The following C5 variants were observed in gnomAD, a reference collection of about 807,000 sequenced individuals.
The protein encoded by C5 is C3 and PZP-like alpha-2-macroglobulin domain-containing protein 4.
C5 carries 140 observed loss-of-function variants against 218.8 expected under a neutral mutation model. That is an observed-to-expected ratio of 0.64 (90% confidence interval 0.56 to 0.74). The LOEUF (loss-of-function observed/expected upper bound fraction) is 0.74. C5 is among the 30% of genes least tolerant of loss of function. C5 has a pLI of 0.00. For synonymous variants in C5, 614 were observed against 682.3 expected (o/e 0.90, Z 1.56); for missense variants, 1,700 against 1,969.6 (o/e 0.86, Z 2.59).
chr9:120,960,876 G>T (rs530422848), intron 37 of C5, among the ~76,000 whole-genome samples: 1 of 152,298 alleles, frequency 6.6e-6, no homozygotes, highest in East Asian at 1.9e-4. Flanking sequence ...TTTCCATTTT[G>T]AGTATAATCA....
chr9:120,964,976 G>A (rs1025363824), intron 33 of C5, among the ~76,000 whole-genome samples: 5 of 152,118 alleles, frequency 3.3e-5, no homozygotes, highest in Admixed American at 1.3e-4. Flanking sequence ...AGAGACAGAC[G>A]GAGTGTGATT....
intron 3 of C5, among the ~76,000 whole-genome samples, chr9:121,038,664 T>G (rs777584665): frequency 6.6e-6 from 1 of 152,214 alleles, no homozygotes; most frequent in Non-Finnish European, 1.5e-5. Context: ...TTCTTTCCAA[T>G]GACAAACTTA....
chr9:120,995,213 A>G (rs2047107354), intron 22 of C5, among the ~76,000 whole-genome samples: 2 of 152,236 alleles, frequency 1.3e-5, no homozygotes, highest in Admixed American at 1.3e-4. Context: ...TTGCTTTCCC[A>G]GAGGAAATGA....
chr9:121,018,252 C>CAA (rs1189613789), intron 12 of C5, among the ~76,000 whole-genome samples: 534 of 41,954 alleles, frequency 0.013, 27 homozygotes, highest in African/African-American at 0.039. Flanking sequence ...GACTCTGTCT[C>CAA]AAAAAAAAAA....
chr9:121,032,863 T>A (rs1439494152), intron 5 of C5, among the ~76,000 whole-genome samples: 1 of 151,976 alleles, frequency 6.6e-6, no homozygotes, highest in African/African-American at 2.4e-5. Flanking sequence ...TAGTCTGGTG[T>A]GGTGGTGCAT....
At chr9:120,995,200 T>A (rs1168357460) in intron 22 of C5, among the ~76,000 whole-genome samples, 1 of 152,208 alleles carries the variant, frequency 6.6e-6, no homozygotes, top group Non-Finnish European at 1.5e-5. Context: ...GGGTATTAAT[T>A]CTTTGCTTTC....
At chr9:120,957,063 G>GA in intron 39 of C5, 1 of 444,646 alleles carries the variant, frequency 2.2e-6, no homozygotes, top group Non-Finnish European at 4.2e-6. Flanking sequence ...TTACGCAATT[G>GA]AAAAAAACAT....
chr9:121,035,489 C>A (rs2047516457), intron 4 of C5, among the ~76,000 whole-genome samples: 9 of 152,170 alleles, frequency 5.9e-5, no homozygotes, highest in Admixed American at 5.2e-4. Flanking sequence ...TTTTGACTTT[C>A]TTTGGACTAC....
At chr9:121,016,430 T>C (rs776253286) in intron 14 of C5, 47 bp from the exon 15 acceptor site, 38 of 1,610,294 alleles carry the variant, frequency 2.4e-5, no homozygotes, top group Non-Finnish European at 3.2e-5. Flanking sequence ...GTATAAATCA[T>C]TCCTCTAAAG....
In C5 at chr9:121,020,135, C is replaced by T. The variant is rs146598279; in HGVS notation, c.1347G>A (p.Arg449=). 38 of 1,613,880 alleles carry T rather than the reference C, an allele frequency of 2.4e-5. No homozygotes were observed. The highest frequency in any genetic ancestry group is 3.1e-5 in the Non-Finnish European group (37 of 1,179,952). The change falls in exon 12 of 41, where the codon AGG becomes AGA. Residue 449 remains arginine (R), a synonymous_variant. Transcript: ENST00000223642. The stretch of plus-strand genomic sequence containing the variant: ...AGTATGCTATTGCTCGGTAACCTTC[C>T]CTGGCCTGATTTTCTTCTGGAAGAT... The part of the protein sequence containing the change: ...APDLPEENQA[R]EGYRAIAYSS...
chr9:120,966,852 T>C (rs145731302), intron 33 of C5, among the ~76,000 whole-genome samples: 1 of 152,198 alleles, frequency 6.6e-6, no homozygotes, highest in African/African-American at 2.4e-5. Context: ...GAAGGAATCC[T>C]AAGAAGCGAT....
At position 120,976,863 on chromosome 9, in the gene C5, T is replaced by G; in HGVS notation, c.3701A>C (p.His1234Pro). 6.2e-7 allele frequency: 1 copy of G among 1,614,204 alleles called. No individual in the cohort carries two copies. Among genetic ancestry groups the G allele is most frequent in the Non-Finnish European group, 8.5e-7 (1 of 1,180,022 alleles). ...IYRFWKDNLQHKDSSVPNTGT... is the reference protein window; with the variant it reads ...IYRFWKDNLQPKDSSVPNTGT... Reference sequence around the variant, plus strand: ...AGTGTTAGGTACAGAGCTGTCTTTATGCTGAAGATTGTCTTTCCAAAAACG... The same window carrying G: ...AGTGTTAGGTACAGAGCTGTCTTTAGGCTGAAGATTGTCTTTCCAAAAACG... The change falls in exon 29 of 41, where the codon CAT (histidine) becomes CCT (proline). Residue 1234 changes from histidine (H) to proline (P), a missense_variant. Transcript: ENST00000223642.
the C5 span, among the ~76,000 whole-genome samples, chr9:121,065,517 C>G: frequency 1.3e-5 from 2 of 152,164 alleles, no homozygotes; most frequent in African/African-American, 4.8e-5. Context: ...TGGAGTGCAG[C>G]AGTGCAATCA....
chr9:121,003,971 C>A (rs1037223042), intron 20 of C5, among the ~76,000 whole-genome samples: 21 of 152,246 alleles, frequency 1.4e-4, no homozygotes, highest in Middle Eastern at 3.4e-3. Context: ...CGGGTTCACG[C>A]CATTCTCCGG....
intron 9 of C5, 35 bp downstream of exon 9, chr9:121,025,419 T>TACAC (rs1173632890): frequency 0.15 from 204,686 of 1,406,316 alleles, 3,477 homozygotes; most frequent in Admixed American, 0.18. Context: ...AAAGAAAGTA[T>TACAC]ACACACACAC....
intron 7 of C5, among the ~76,000 whole-genome samples, chr9:121,029,517 C>T (rs533654214): frequency 2.0e-5 from 3 of 152,216 alleles, no homozygotes; most frequent in Admixed American, 1.3e-4. Flanking sequence ...TAGAAGAGTA[C>T]CCCACACATA....
At chr9:120,986,198 G>A (rs2047031635) in intron 25 of C5, among the ~76,000 whole-genome samples, 1 of 151,976 alleles carries the variant, frequency 6.6e-6, no homozygotes, top group Non-Finnish European at 1.5e-5. Context: ...CCAAACTGGA[G>A]TTAAGTTACA....
At chr9:121,053,983 T>C (rs954552469), upstream of C5, among the ~76,000 whole-genome samples, 3 of 152,116 alleles carry the variant, frequency 2.0e-5, no homozygotes. Flanking sequence ...GACTAAAGTG[T>C]GTAGACTAAA....
At chr9:120,959,784 T>A (rs1440563181) in intron 38 of C5, among the ~76,000 whole-genome samples, 1 of 152,180 alleles carries the variant, frequency 6.6e-6, no homozygotes, top group Non-Finnish European at 1.5e-5. Context: ...ATGGAGAGTG[T>A]CTCAAACATG....
Sources: allele counts gnomAD v4.1 joint callset (sites outside exome capture counted in the v4.1 genomes callset), GRCh38; gene constraint gnomAD v4.1.1; transcripts MANE v1.5; gene names NCBI Gene and HGNC (gene_info 2026-07-23, HGNC 2026-07-21).